NXPH1: variants seen among roughly 807,000 people sequenced by gnomAD.
The protein encoded by NXPH1 is neurexophilin-1.
NXPH1 carries 5 observed loss-of-function variants against 23.7 expected under a neutral mutation model. That is an observed-to-expected ratio of 0.21 (90% CI 0.11 to 0.44). The LOEUF is 0.44. Among genes scored for constraint, NXPH1 ranks in the 20% least tolerant of loss-of-function variants. NXPH1 has a pLI of 0.99. For synonymous variants in NXPH1, 144 were observed against 122.2 expected (o/e 1.18, Z -1.18); for missense variants, 324 against 321.6 (o/e 1.01, Z -0.06).
At chr7:8,599,043 C>A (rs1819295048) in intron 2 of NXPH1, among the ~76,000 whole-genome samples, 1 of 152,060 alleles carries the variant, frequency 6.6e-6, no homozygotes, top group Non-Finnish European at 1.5e-5. Context: ...CAGCCAGGGA[C>A]CCTCTTTAAA....
chr7:8,730,921 T>C (rs1188733919), intron 2 of NXPH1, among the ~76,000 whole-genome samples: 2 of 150,982 alleles, frequency 1.3e-5, no homozygotes, highest in Non-Finnish European at 2.9e-5. Context: ...TCCTGGATAA[T>C]ATCCTGCAGA....
chr7:8,621,146 A>G (rs947900040), intron 2 of NXPH1, among the ~76,000 whole-genome samples: 2 of 152,136 alleles, frequency 1.3e-5, no homozygotes, highest in Non-Finnish European at 2.9e-5. Context: ...ATATAACTAA[A>G]TCTGATGTGA....
intron 2 of NXPH1, among the ~76,000 whole-genome samples, chr7:8,566,125 A>G (rs1818541264): frequency 6.6e-6 from 1 of 151,700 alleles, no homozygotes; most frequent in East Asian, 2.0e-4. Context: ...TAAGCACAGC[A>G]TTGTGTTTTC....
intron 2 of NXPH1, among the ~76,000 whole-genome samples, chr7:8,543,032 T>A (rs1818143630): frequency 6.6e-6 from 1 of 151,634 alleles, no homozygotes; most frequent in Non-Finnish European, 1.5e-5. Flanking sequence ...AAATTGAATT[T>A]ACATGCATTT....
At chr7:8,734,406 C>T (rs1445128426) in intron 2 of NXPH1, among the ~76,000 whole-genome samples, 1 of 152,052 alleles carries the variant, frequency 6.6e-6, no homozygotes, top group Non-Finnish European at 1.5e-5. Context: ...TCTAATTCTG[C>T]AAAGAACGTC....
chr7:8,608,946 A>C (rs903984218), intron 2 of NXPH1, among the ~76,000 whole-genome samples: 3 of 152,148 alleles, frequency 2.0e-5, no homozygotes, highest in African/African-American at 7.2e-5. Context: ...GTAAGTCCTC[A>C]CCTAATGTCA....
At chr7:8,447,535 T>C (rs1816426816) in intron 2 of NXPH1, among the ~76,000 whole-genome samples, 1 of 152,254 alleles carries the variant, frequency 6.6e-6, no homozygotes, top group Non-Finnish European at 1.5e-5. Flanking sequence ...GGTTTAACAA[T>C]GCAGAATTGT....
At chr7:8,739,618 C>T (rs1254292161) in intron 2 of NXPH1, among the ~76,000 whole-genome samples, 1 of 152,118 alleles carries the variant, frequency 6.6e-6, no homozygotes, top group Non-Finnish European at 1.5e-5. Flanking sequence ...ACCTATTTTC[C>T]TCTTTTTTCT....
chr7:8,723,070 C>A (rs976682066), intron 2 of NXPH1, among the ~76,000 whole-genome samples: 1 of 152,188 alleles, frequency 6.6e-6, no homozygotes, highest in African/African-American at 2.4e-5. Context: ...AACACTTTTA[C>A]AGCTCTATTT....
At chr7:8,440,443 C>A (rs554156175) in intron 2 of NXPH1, among the ~76,000 whole-genome samples, 1 of 152,300 alleles carries the variant, frequency 6.6e-6, no homozygotes, top group Admixed American at 6.5e-5. Context: ...AAATTCGTGG[C>A]TCCTCTGTGC....
intron 2 of NXPH1, among the ~76,000 whole-genome samples, chr7:8,733,157 C>G (rs1337902607): frequency 1.3e-5 from 2 of 152,052 alleles, no homozygotes. Flanking sequence ...TGTTAGTTTG[C>G]TTAGAATGAT....
At chr7:8,669,087 C>G (rs1265723278) in intron 2 of NXPH1, among the ~76,000 whole-genome samples, 2 of 152,178 alleles carry the variant, frequency 1.3e-5, no homozygotes, top group Non-Finnish European at 2.9e-5. Context: ...TATGTTCCAG[C>G]CAATAAATTG....
chr7:8,734,652 G>T (rs1420954646), intron 2 of NXPH1, among the ~76,000 whole-genome samples: 1 of 152,182 alleles, frequency 6.6e-6, no homozygotes, highest in African/African-American at 2.4e-5. Context: ...GTGGTGCTAA[G>T]AAGAATGTAT....
At chr7:8,504,444 G>C (rs568887533) in intron 2 of NXPH1, among the ~76,000 whole-genome samples, 1 of 152,050 alleles carries the variant, frequency 6.6e-6, no homozygotes, top group South Asian at 2.1e-4. Flanking sequence ...TAGATTTACT[G>C]AGCAGAAATT....
chr7:8,654,591 T>A (rs1409628834), intron 2 of NXPH1, among the ~76,000 whole-genome samples: 1 of 152,212 alleles, frequency 6.6e-6, no homozygotes, highest in Non-Finnish European at 1.5e-5. Flanking sequence ...GAGTTCCTCC[T>A]CTTTGTGTGG....
Position 8,561,846 on chromosome 7 carries a change from A to G in NXPH1, c.54+126079A>G, listed in dbSNP as rs570215646. 1.4e-4 allele frequency among the ~76,000 whole-genome samples: 22 copies of G among 151,824 alleles called. No homozygotes were observed. The South Asian group carries it at 4.4e-3, about 30-fold the overall frequency. On this transcript the variant is annotated intron_variant, in intron 2 of 2. Coordinates refer to ENST00000405863, the MANE Select transcript of NXPH1 (RefSeq NM_152745.3). ...ATAAAACTGCAGAAAGTCGGCAAAC[A>G]ATGGGGAAAATGTTGCTGAGAAACA... is the stretch of plus-strand genomic sequence containing the variant.
intron 2 of NXPH1, among the ~76,000 whole-genome samples, chr7:8,735,313 T>C (rs1473295211): frequency 6.6e-6 from 1 of 152,202 alleles, no homozygotes; most frequent in Non-Finnish European, 1.5e-5. Flanking sequence ...TAAGATATGT[T>C]CCATCAATAC....
At position 8,752,129 on chromosome 7, in the gene NXPH1, C is replaced by T. The variant is rs1003879688; in HGVS notation, c.*360C>T. 16 of 196,290 alleles carry T rather than the reference C, an allele frequency of 8.2e-5. No homozygotes were observed. Among genetic ancestry groups the T allele is most frequent in the Middle Eastern group, 2.2e-3 (1 of 450 alleles). 12.2% of individuals were successfully genotyped at this position (196,290 alleles called of 1,614,324 possible). A position where few individuals can be genotyped will look rare whatever the true frequency, so the allele number is the denominator to read the frequency against. ...TGGTTCAGGATCAACTATCATCAAA[C>T]GGAAGGATTAACTAGACAGAGAATG... is the stretch of plus-strand genomic sequence containing the variant. On this transcript the variant is annotated 3_prime_UTR_variant, in exon 3 of 3. Coordinates refer to ENST00000405863, the MANE Select transcript of NXPH1 (RefSeq NM_152745.3).
intron 2 of NXPH1, among the ~76,000 whole-genome samples, chr7:8,454,647 A>G (rs1020113869): frequency 2.0e-5 from 3 of 152,168 alleles, no homozygotes; most frequent in Admixed American, 1.3e-4. Context: ...ACTCAAAATT[A>G]CAAATAAGTG....
Sources: allele counts gnomAD v4.1 joint callset (sites outside exome capture counted in the v4.1 genomes callset), GRCh38; gene constraint gnomAD v4.1.1; transcripts MANE v1.5; gene names NCBI Gene and HGNC (gene_info 2026-07-23, HGNC 2026-07-21).